The following CDADC1 variants were observed in gnomAD, a reference collection of about 807,000 sequenced individuals.
CDADC1 encodes cytidine and dCMP deaminase domain containing 1.
CDADC1 carries 39 observed loss-of-function variants against 54.9 expected under a neutral mutation model. That is an observed-to-expected ratio of 0.71 (90% CI 0.55 to 0.93). CDADC1 has a LOEUF of 0.93. CDADC1 is among the 40% of genes least tolerant of loss of function. The pLI, the probability that CDADC1 is intolerant of heterozygous loss-of-function variation, is 0.00. For synonymous variants in CDADC1, 186 were observed against 204.0 expected, an observed-to-expected ratio of 0.91 and a Z score of 0.75; for missense variants, 518 against 618.8, an observed-to-expected ratio of 0.84 and a Z score of 1.73.
intron 3 of CDADC1, among the ~76,000 whole-genome samples, chr13:49,256,207 A>G (rs960238939): frequency 1.3e-5 from 2 of 151,942 alleles, no homozygotes; most frequent in African/African-American, 4.8e-5. Context: ...ACACTCCCAC[A>G]CACCTTGCTG....
At chr13:49,283,469 C>T (rs1566376685) in intron 8 of CDADC1, among the ~76,000 whole-genome samples, 1 of 152,076 alleles carries the variant, frequency 6.6e-6, no homozygotes, top group African/African-American at 2.4e-5. Flanking sequence ...TCTCTTCATT[C>T]CTCCTGAAGA....
Position 49,292,452 on chromosome 13 carries a change from A to G in CDADC1, c.*695A>G, listed in dbSNP as rs564405326. 172 of 1,011,490 alleles carry G rather than the reference A, an allele frequency of 1.7e-4. No individual in the cohort carries two copies. The African/African-American group carries it at 2.8e-3, about 16-fold the overall frequency. 62.7% of individuals were successfully genotyped at this position (1,011,490 alleles called of 1,614,324 possible). A position where few individuals can be genotyped will look rare whatever the true frequency, so the allele number is the denominator to read the frequency against. ...TTGAAATCACTAACAGTGAACCTCA[A>G]ATTTGGTTATGATGTTAACAGAGAA... On this transcript the variant is annotated 3_prime_UTR_variant, in exon 10 of 10. Coordinates refer to ENST00000251108, the MANE Select transcript of CDADC1 (RefSeq NM_030911.4).
At chr13:49,255,218 A>G (rs527983479) in intron 2 of CDADC1, among the ~76,000 whole-genome samples, 73 of 152,328 alleles carry the variant, frequency 4.8e-4, no homozygotes, top group Non-Finnish European at 8.7e-4. Flanking sequence ...TTCATGTTGC[A>G]TCGCTGACTC....
At chr13:49,271,346 T>C (rs1264682595) in intron 5 of CDADC1, among the ~76,000 whole-genome samples, 4 of 152,238 alleles carry the variant, frequency 2.6e-5, no homozygotes, top group African/African-American at 9.6e-5. Flanking sequence ...TTGTGATCTC[T>C]TCGTGTCTTG....
chr13:49,258,373 A>G (rs1952598592), intron 3 of CDADC1, among the ~76,000 whole-genome samples: 1 of 152,174 alleles, frequency 6.6e-6, no homozygotes, highest in African/African-American at 2.4e-5. Flanking sequence ...TACATTCCTT[A>G]CTTCAGAGGC....
intron 4 of CDADC1, chr13:49,265,811 T>C: frequency 1.6e-6 from 2 of 1,246,346 alleles, no homozygotes; most frequent in Non-Finnish European, 2.1e-6. Context: ...TTTGAGAAAC[T>C]CTGCTTTAGC....
chr13:49,271,416 A>G (rs1188721019), intron 5 of CDADC1, among the ~76,000 whole-genome samples: 1 of 152,200 alleles, frequency 6.6e-6, no homozygotes, highest in African/African-American at 2.4e-5. Context: ...CCTGGGCCAC[A>G]GTACTGATAA....
chr13:49,266,171 C>CA (rs887604364), intron 4 of CDADC1, among the ~76,000 whole-genome samples: 119 of 148,920 alleles, frequency 8.0e-4, no homozygotes, highest in Non-Finnish European at 9.4e-4. Flanking sequence ...GGTACAATCA[C>CA]AAAAAAAAAA....
intron 5 of CDADC1, among the ~76,000 whole-genome samples, chr13:49,269,986 AT>A (rs542923702): frequency 2.7e-5 from 4 of 150,262 alleles, no homozygotes; most frequent in African/African-American, 4.9e-5. Flanking sequence ...ATTGTTGGTG[AT>A]TTTTTTTTTA....
intron 2 of CDADC1, among the ~76,000 whole-genome samples, chr13:49,252,683 T>A (rs1952462246): frequency 6.6e-6 from 1 of 152,210 alleles, no homozygotes; most frequent in Admixed American, 6.5e-5. Context: ...GCTGCAACAT[T>A]TTTAAAAACT....
In CDADC1 at chr13:49,255,909, G is replaced by A; in HGVS notation, c.248G>A (p.Arg83Lys). ...EERTRVSTDK[R>K]QVKRTGLVVV... Reference sequence around the variant, plus strand: ...AGGACCAGAGTATCTACTGACAAAAGACAGGTAAATTTTTATGATTTCACA... The same window carrying A: ...AGGACCAGAGTATCTACTGACAAAAAACAGGTAAATTTTTATGATTTCACA... The change falls in exon 3 of 10, where the codon AGA becomes AAA. Residue 83 changes from arginine (R) to lysine (K), a missense_variant. By Grantham distance (26) the Arg-to-Lys change is conservative (BLOSUM62 2). Transcript: ENST00000251108. The A allele has an allele frequency of 6.2e-7, 1 of 1,611,066 alleles. No individual in the cohort carries two copies.
Position 49,248,931 on chromosome 13 carries a change from T to G in CDADC1, c.143T>G (p.Leu48Arg). 2 of 1,613,136 alleles carry G rather than the reference T, an allele frequency of 1.2e-6. No homozygotes were observed. Among genetic ancestry groups the G allele is most frequent in the Non-Finnish European group, 1.7e-6 (2 of 1,179,076 alleles). ...LFTLLSLWME[L>R]FPAEAQRQKS... is the part of the protein sequence containing the mutation. ...ACTCTGCTCAGCCTCTGGATGGAGC[T>G]CTTTCCAGCAGAAGCCCAGCGGCAA... Residue 48 changes from leucine (L) to arginine (R), a missense_variant, in exon 2 of 10, where the codon CTC (leucine) becomes CGC (arginine). Coordinates refer to ENST00000251108, the MANE Select transcript of CDADC1 (RefSeq NM_030911.4).
chr13:49,259,635 G>A, intron 4 of CDADC1, 112 bp downstream of exon 4: 1 of 1,004,638 alleles, frequency 1.0e-6, no homozygotes, highest in Admixed American at 2.3e-5. Context: ...AGGATCGCCT[G>A]AGCCCAGGAG....
At chr13:49,287,995 T>C (rs937482585) in intron 9 of CDADC1, among the ~76,000 whole-genome samples, 7 of 147,348 alleles carry the variant, frequency 4.8e-5, no homozygotes, top group Non-Finnish European at 7.5e-5. Context: ...AAAAAAGATA[T>C]CACTACAAGA....
chr13:49,261,995 G>A (rs1345585448), intron 4 of CDADC1, among the ~76,000 whole-genome samples: 1 of 152,146 alleles, frequency 6.6e-6, no homozygotes, highest in African/African-American at 2.4e-5. Flanking sequence ...TCTTAGGAAG[G>A]GGGCATGGTT....
At chr13:49,275,692 TATATATATA>T (rs1953087349) in intron 6 of CDADC1, among the ~76,000 whole-genome samples, 4 of 16,292 alleles carry the variant, frequency 2.5e-4, no homozygotes, top group Non-Finnish European at 2.1e-4. Context: ...CTAGGTGTTA[TATATATATA>T]TATATATATA....
In CDADC1 at chr13:49,292,816, T is replaced by C; in HGVS notation, c.*1059T>C. 1 of 1,278,246 alleles carries C rather than the reference T, an allele frequency of 7.8e-7. No homozygotes were observed. The highest frequency in any genetic ancestry group is 1.0e-6 in the Non-Finnish European group (1 of 982,850). 79.2% of individuals were successfully genotyped at this position (1,278,246 alleles called of 1,614,324 possible). On this transcript the variant is annotated 3_prime_UTR_variant, in exon 10 of 10. Coordinates refer to ENST00000251108, the MANE Select transcript of CDADC1 (RefSeq NM_030911.4). ...GGCCTGGGGTGCTTCATGAGAAATGTCTTCCTGGATCTGCGGTGGTCAGGT... is the reference window on the plus strand; with the variant it reads ...GGCCTGGGGTGCTTCATGAGAAATGCCTTCCTGGATCTGCGGTGGTCAGGT...
At chr13:49,275,789 A>AGG (rs2138242968) in intron 6 of CDADC1, among the ~76,000 whole-genome samples, 1 of 95,814 alleles carries the variant, frequency 1.0e-5, no homozygotes, top group Non-Finnish European at 2.0e-5. Context: ...AGAGAGAGAG[A>AGG]GAGAGAGTCT....
intron 6 of CDADC1, among the ~76,000 whole-genome samples, chr13:49,276,962 T>C (rs895803737): frequency 2.0e-5 from 3 of 152,186 alleles, no homozygotes; most frequent in Non-Finnish European, 4.4e-5. Context: ...TCTAGTTATC[T>C]CTAGAGTAGG....
Sources: gnomAD v4.1 joint callset for allele counts (sites outside exome capture counted in the v4.1 genomes callset) on GRCh38, gnomAD v4.1.1 for gene constraint, MANE v1.5 for transcripts, NCBI Gene and HGNC (gene_info 2026-07-23, HGNC 2026-07-21) for gene names.